The following FASTKD5 variants were observed in gnomAD, a reference collection of about 807,000 sequenced individuals.
FASTKD5 encodes non-canonical pre-mRNAs endonuclease FASTKD5, mitochondrial.
Under a neutral mutation model 44.0 loss-of-function variants are expected in FASTKD5, and 30 were observed. That is an observed-to-expected ratio of 0.68 (90% CI 0.51 to 0.93). The LOEUF (loss-of-function observed/expected upper bound fraction) is 0.93, where lower values mean the gene tolerates loss of function less well. Ranked by LOEUF, FASTKD5 falls within the 40% of genes least tolerant of loss-of-function variation. The pLI, the probability that FASTKD5 is intolerant of heterozygous loss-of-function variation, is 0.00. For synonymous variants in FASTKD5, 335 were observed against 342.2 expected, an observed-to-expected ratio of 0.98 and a Z score of 0.23; for missense variants, 868 against 908.2, an observed-to-expected ratio of 0.96 and a Z score of 0.57.
At chr20:3,159,234 T>C (rs982047066) in intron 1 of FASTKD5, among the ~76,000 whole-genome samples, 2 of 152,194 alleles carry the variant, frequency 1.3e-5, no homozygotes, top group African/African-American at 2.4e-5. Context: ...ATATATCCTA[T>C]CATACTGATG....
At chr20:3,154,032 T>A (rs745854474) in intron 1 of FASTKD5, among the ~76,000 whole-genome samples, 1 of 152,166 alleles carries the variant, frequency 6.6e-6, no homozygotes, top group African/African-American at 2.4e-5. Flanking sequence ...GAAATCTACA[T>A]GAGGCAAAGA....
intron 1 of FASTKD5, among the ~76,000 whole-genome samples, chr20:3,155,348 G>C (rs1281254383): frequency 2.0e-5 from 3 of 152,188 alleles, no homozygotes; most frequent in Admixed American, 2.0e-4. Flanking sequence ...TGGCCAACGT[G>C]GCGAAACCAC....
intron 1 of FASTKD5, among the ~76,000 whole-genome samples, chr20:3,158,191 G>A (rs769185221): frequency 2.6e-5 from 4 of 151,778 alleles, no homozygotes; most frequent in Non-Finnish European, 5.9e-5. Context: ...GGTTGGTCTC[G>A]AACTCCTGGG....
chr20:3,147,839 A>G lies in FASTKD5; in HGVS notation c.1232T>C (p.Met411Thr). 5 of 1,614,212 alleles carry G rather than the reference A, an allele frequency of 3.1e-6. No homozygotes were observed. The highest frequency in any genetic ancestry group is 3.4e-6 in the Non-Finnish European group (4 of 1,180,032). ...SALRFLNEGVMNAVAASLPPR... is the reference protein window; with the variant it reads ...SALRFLNEGVTNAVAASLPPR... ...AGGCAAAGACGCAGCCACTGCATTC[A>G]TTACTCCTTCATTCAGGAAGCGTAA... is the stretch of plus-strand genomic sequence containing the variant. Residue 411 changes from methionine to threonine, a missense_variant, in exon 2 of 2, where the codon ATG (methionine) becomes ACG (threonine). Transcript: ENST00000380266.
chr20:3,151,723 T>G (rs868635035), intron 1 of FASTKD5: 5 of 152,004 alleles, frequency 3.3e-5, no homozygotes, highest in South Asian at 2.1e-4. Context: ...TTCTTTAATA[T>G]TTAGATGATA....
chr20:3,154,032 T>C (rs745854474), intron 1 of FASTKD5, among the ~76,000 whole-genome samples: 1 of 152,166 alleles, frequency 6.6e-6, no homozygotes, highest in Non-Finnish European at 1.5e-5. Context: ...GAAATCTACA[T>C]GAGGCAAAGA....
intron 1 of FASTKD5, among the ~76,000 whole-genome samples, chr20:3,157,276 G>C (rs79199183): frequency 0.015 from 2,287 of 152,258 alleles, 27 homozygotes; most frequent in South Asian, 0.056. Context: ...ACGGGAGCAG[G>C]GCCTCAGAGA....
At chr20:3,156,242 C>G (rs954237841) in intron 1 of FASTKD5, among the ~76,000 whole-genome samples, 3 of 144,840 alleles carry the variant, frequency 2.1e-5, no homozygotes, top group African/African-American at 7.7e-5. Flanking sequence ...GTGGCGTGAT[C>G]TCAGCTCACT....
chr20:3,154,123 C>A (rs1415902735), intron 1 of FASTKD5, among the ~76,000 whole-genome samples: 3 of 152,158 alleles, frequency 2.0e-5, no homozygotes, highest in Middle Eastern at 3.4e-3. Flanking sequence ...GATATGGGAT[C>A]CAGAAACTAG....
Position 3,148,132 on chromosome 20 carries a change from G to T in FASTKD5, c.939C>A (p.Ile313=). ...AGATGGTACCAACCTCCTCCAAATT[G>T]ATCAAATCTATATATTTAAGGATCA... ...ESLILKYIDL[I]NLEEVGTICL... Residue 313 remains isoleucine, a synonymous_variant, in exon 2 of 2, where the codon ATC becomes ATA. Transcript: ENST00000380266. 1 of 1,613,804 alleles carries T rather than the reference G, an allele frequency of 6.2e-7. No individual in the cohort carries two copies. Among genetic ancestry groups the T allele is most frequent in the South Asian group, 1.1e-5 (1 of 91,030 alleles).
In FASTKD5 at chr20:3,146,971, C is replaced by T. The variant is rs776122804; in HGVS notation, c.2100G>A (p.Gln700=). 1.2e-6 allele frequency: 2 copies of T among 1,614,078 alleles called. No individual in the cohort carries two copies. The highest frequency in any genetic ancestry group is 1.7e-5 in the Admixed American group (1 of 59,990). Residue 700 remains glutamine (Q), a synonymous_variant, in exon 2 of 2, where the codon CAG becomes CAA. Coordinates refer to ENST00000380266, the MANE Select transcript of FASTKD5 (RefSeq NM_021826.5). ...MQTPRMKLAV[Q]FTNRNQYCYG... ...AGCAATACTGGTTCCTGTTTGTGAA[C>T]TGAACAGCCAGCTTCATTCTTGGGG...
intron 1 of FASTKD5, among the ~76,000 whole-genome samples, chr20:3,159,240 T>C (rs563853369): frequency 5.3e-5 from 8 of 152,346 alleles, no homozygotes; most frequent in African/African-American, 1.9e-4. Context: ...CCTATCATAC[T>C]GATGTTTACC....
rs191287886 is a variant in FASTKD5, at chr20:3,158,716, C to T, written c.-191+1050G>A. 1.3e-4 allele frequency among the ~76,000 whole-genome samples: 20 copies of T among 152,322 alleles called. 1 individual carries two copies. The East Asian group carries it at 2.3e-3, about 18-fold the overall frequency. ...GTCTCGATCTCCTGACCTCGTGATC[C>T]GCCCGCCTTGACCTCCCAAAGTGCT... On this transcript the variant is annotated intron_variant, in intron 1 of 1. Transcript: ENST00000380266.
rs757442015 is a variant in FASTKD5, at chr20:3,148,995, G to A, written c.76C>T (p.Arg26Ter). Residue 26 changes from arginine to a stop codon, truncating the protein, a stop_gained, in exon 2 of 2, where the codon CGA becomes TGA. Transcript: ENST00000380266. LOFTEE classifies it high-confidence loss of function. The part of the protein sequence containing the change: ...FCSPSAFGAV[R>*]SVSYWNVSST... Reference sequence around the variant, plus strand: ...CTCACATTCCAGTATGACACACTTCGGACTGCACCAAAGGCAGAAGGACTG... The same window carrying A: ...CTCACATTCCAGTATGACACACTTCAGACTGCACCAAAGGCAGAAGGACTG... 9.3e-6 allele frequency: 15 copies of A among 1,614,002 alleles called. No homozygotes were observed. The African/African-American group carries it at 9.3e-5, about 10-fold the overall frequency.
At chr20:3,155,052 C>CAAAAAAAAAAAAAAA (rs11326176) in intron 1 of FASTKD5, among the ~76,000 whole-genome samples, 2 of 96,074 alleles carry the variant, frequency 2.1e-5, no homozygotes, top group African/African-American at 4.6e-5. Context: ...GACACAGTCT[C>CAAAAAAAAAAAAAAA]AAAAAAAAAA....
chr20:3,152,100 CAA>C (rs60655157), intron 1 of FASTKD5, among the ~76,000 whole-genome samples: 13,697 of 62,590 alleles, frequency 0.22, 768 homozygotes, highest in African/African-American at 0.33. Flanking sequence ...GACTCTGTCT[CAA>C]AAAAAAAAAA....
At chr20:3,151,729 T>C (rs1032935414) in intron 1 of FASTKD5, 1 of 152,140 alleles carries the variant, frequency 6.6e-6, no homozygotes, top group Admixed American at 6.5e-5. Flanking sequence ...AATATTTAGA[T>C]GATAATTGAA....
intron 1 of FASTKD5, among the ~76,000 whole-genome samples, chr20:3,152,798 T>C (rs954489550): frequency 4.6e-5 from 7 of 150,678 alleles, no homozygotes; most frequent in Non-Finnish European, 7.4e-5. Context: ...CCCAGCTACT[T>C]GAGAGGCTGA....
At chr20:3,158,735 A>G (rs1161915615) in intron 1 of FASTKD5, among the ~76,000 whole-genome samples, 1 of 152,144 alleles carries the variant, frequency 6.6e-6, no homozygotes, top group Non-Finnish European at 1.5e-5. Flanking sequence ...TGACCTCCCA[A>G]AGTGCTGGGA....
Sources: allele counts gnomAD v4.1 joint callset (sites outside exome capture counted in the v4.1 genomes callset), GRCh38; gene constraint gnomAD v4.1.1; transcripts MANE v1.5; gene names NCBI Gene and HGNC (gene_info 2026-07-23, HGNC 2026-07-21).